C1QTNF1: variants seen among roughly 807,000 people sequenced by gnomAD.
The protein encoded by C1QTNF1 is C1q and TNF related 1, also known as complement C1q tumor necrosis factor-related protein 1.
Under a neutral mutation model 27.8 loss-of-function variants are expected in C1QTNF1, and 22 were observed. That is an observed-to-expected ratio of 0.79 (90% CI 0.56 to 1.13). The LOEUF is 1.13. C1QTNF1 is among the 50% of genes most tolerant of loss of function. C1QTNF1 has a pLI of 0.00. For synonymous variants in C1QTNF1, 166 were observed against 154.3 expected (o/e 1.08, Z -0.56); for missense variants, 373 against 380.2 (o/e 0.98, Z 0.16).
At chr17:79,044,661 G>A (rs918360339) in intron 2 of C1QTNF1, among the ~76,000 whole-genome samples, 4 of 152,138 alleles carry the variant, frequency 2.6e-5, no homozygotes, top group Admixed American at 2.0e-4. Context: ...GATGGCCTTC[G>A]TGTCTACGAC....
intron 1 of C1QTNF1, among the ~76,000 whole-genome samples, chr17:79,035,935 G>C (rs1315060939): frequency 6.6e-6 from 1 of 152,216 alleles, no homozygotes; most frequent in African/African-American, 2.4e-5. Context: ...CACAGGGCAG[G>C]AGGGAGAGTT....
At chr17:79,035,137 G>A (rs976218745) in intron 1 of C1QTNF1, among the ~76,000 whole-genome samples, 6 of 152,182 alleles carry the variant, frequency 3.9e-5, no homozygotes, top group African/African-American at 1.4e-4. Context: ...GGGAGGAAAG[G>A]GCTATGAGCA....
Position 79,047,704 on chromosome 17 carries a change from G to A in C1QTNF1, c.462G>A (p.Lys154=), listed in dbSNP as rs1278897728. The change falls in exon 4 of 4, where the codon AAG becomes AAA. Residue 154 remains lysine, a synonymous_variant. Coordinates refer to ENST00000579760, the MANE Select transcript of C1QTNF1 (RefSeq NM_030968.5). The part of the protein sequence containing the change: ...HYAAFSVGRK[K]PMHSNHYYQT... Reference sequence around the variant, plus strand: ...CCGCCTTTTCGGTGGGCCGGAAGAAGCCCATGCACAGCAACCACTACTACC... The same window carrying A: ...CCGCCTTTTCGGTGGGCCGGAAGAAACCCATGCACAGCAACCACTACTACC... 6.2e-7 allele frequency: 1 copy of A among 1,614,092 alleles called. No homozygotes were observed. Among genetic ancestry groups the A allele is most frequent in the African/African-American group, 1.3e-5 (1 of 75,016 alleles).
intron 1 of C1QTNF1, among the ~76,000 whole-genome samples, chr17:79,030,479 C>CTCTT: frequency 9.1e-6 from 1 of 110,094 alleles, no homozygotes; most frequent in South Asian, 3.1e-4. Flanking sequence ...TTCTTTCTTT[C>CTCTT]TTTCTTTTTC....
At chr17:79,045,420 T>C (rs1197603436) in intron 2 of C1QTNF1, among the ~76,000 whole-genome samples, 9 of 152,030 alleles carry the variant, frequency 5.9e-5, no homozygotes, top group Admixed American at 5.9e-4. Context: ...AATTGGACGG[T>C]GTTCTCGGAA....
chr17:79,023,704 G>GCACGCACA (rs2071834888), upstream of C1QTNF1, among the ~76,000 whole-genome samples: 1 of 144,936 alleles, frequency 6.9e-6, no homozygotes, highest in Non-Finnish European at 1.5e-5. Context: ...GCGCGCGCGC[G>GCACGCACA]CACACACACA....
At chr17:79,043,704 G>A (rs1346956761) in intron 1 of C1QTNF1, 6 of 608,746 alleles carry the variant, frequency 9.9e-6, no homozygotes, top group Non-Finnish European at 1.8e-5. Flanking sequence ...ATGTGTGGGG[G>A]TTGCATGTAT....
intron 1 of C1QTNF1, among the ~76,000 whole-genome samples, chr17:79,041,108 T>C (rs957296312): frequency 2.0e-5 from 3 of 152,194 alleles, no homozygotes; most frequent in Non-Finnish European, 4.4e-5. Flanking sequence ...TAAATTACCA[T>C]GTGCACATAC....
rs549117683 is a variant in C1QTNF1 at position 79,036,390 on chromosome 17, G to A, written c.-14-7565G>A. ...GGGTCTCGATATATTGCCCGGGCTG[G>A]TCTTGAACTCCTGGGCTCAGGCGAT... On this transcript the variant is annotated intron_variant, in intron 1 of 3. Transcript: ENST00000579760. Among the ~76,000 whole-genome samples the A allele has an allele frequency of 1.1e-4, 17 of 152,266 alleles. No homozygotes were observed. The Middle Eastern group carries it at 0.01, about 91-fold the overall frequency.
In C1QTNF1 at chr17:79,047,629, G is replaced by T; in HGVS notation, c.387G>T (p.Gly129=). ...CCAGGGGCCACACTGGACCCAAAGGGCAGAAGGGCTCCATGGGGGCCCCTG... is the reference window on the plus strand; with the variant it reads ...CCAGGGGCCACACTGGACCCAAAGGTCAGAAGGGCTCCATGGGGGCCCCTG... ...AGARGHTGPK[G]QKGSMGAPGE... The change falls in exon 4 of 4, where the codon GGG becomes GGT. Residue 129 remains glycine (G), a synonymous_variant. Coordinates refer to ENST00000579760, the MANE Select transcript of C1QTNF1 (RefSeq NM_030968.5). 1 of 1,601,578 alleles carries T rather than the reference G, an allele frequency of 6.2e-7. No homozygotes were observed. The highest frequency in any genetic ancestry group is 8.5e-7 in the Non-Finnish European group (1 of 1,172,438).
In C1QTNF1 at chr17:79,040,194, G is replaced by A. The variant is rs778693355; in HGVS notation, c.-14-3761G>A. ...ACAATAGGAAAAATAAAATTATGGC[G>A]CCCACCTATAATCCCAGTACTTTGG... On this transcript the variant is annotated intron_variant, in intron 1 of 3. Coordinates refer to ENST00000579760, the MANE Select transcript of C1QTNF1 (RefSeq NM_030968.5). Among the ~76,000 whole-genome samples the A allele has an allele frequency of 7.9e-5, 12 of 152,228 alleles. 1 individual carries two copies. The highest frequency in any genetic ancestry group is 1.9e-4 in the African/African-American group (8 of 41,564).
intron 1 of C1QTNF1, among the ~76,000 whole-genome samples, chr17:79,040,965 A>G (rs1846353891): frequency 6.6e-6 from 1 of 152,078 alleles, no homozygotes; most frequent in Non-Finnish European, 1.5e-5. Context: ...CATATCTGCT[A>G]CAGTCATGAA....
At position 79,047,734 on chromosome 17, in the gene C1QTNF1, G is replaced by T. The variant is rs772540943; in HGVS notation, c.492G>T (p.Thr164=). ...KPMHSNHYYQ[T]VIFDTEFVNL... ...TGCACAGCAACCACTACTACCAGAC[G>T]GTGATCTTCGACACGGAGTTCGTGA... is the stretch of plus-strand genomic sequence containing the variant. Residue 164 remains threonine, a synonymous_variant, in exon 4 of 4, where the codon ACG becomes ACT. Transcript: ENST00000579760. 4 of 1,614,128 alleles carry T rather than the reference G, an allele frequency of 2.5e-6. No individual in the cohort carries two copies. The South Asian group carries it at 4.4e-5, about 18-fold the overall frequency.
At chr17:79,045,660 C>T (rs962054892) in intron 2 of C1QTNF1, among the ~76,000 whole-genome samples, 2 of 152,128 alleles carry the variant, frequency 1.3e-5, no homozygotes, top group Non-Finnish European at 2.9e-5. Context: ...GCTGTTGATG[C>T]CAGGAACAGA....
chr17:79,044,267 G>A, intron 2 of C1QTNF1, 144 bp downstream of exon 2: 2 of 952,956 alleles, frequency 2.1e-6, no homozygotes, highest in Non-Finnish European at 3.0e-6. Context: ...CTGGAGGCTG[G>A]TCCTGCAGGA....
At chr17:79,025,842 GCC>G in intron 1 of C1QTNF1, 2 of 389,102 alleles carry the variant, frequency 5.1e-6, no homozygotes, top group South Asian at 3.8e-5. Context: ...AGCTGGAGAG[GCC>G]CCTAGAGTCC....
At position 79,024,422 on chromosome 17, in the gene C1QTNF1, C is replaced by T. The variant is rs1358064339; in HGVS notation, c.-87C>T. 5 of 152,032 alleles carry T rather than the reference C, an allele frequency of 3.3e-5. No individual in the cohort carries two copies. The highest frequency in any genetic ancestry group is 2.6e-4 in the Admixed American group (4 of 15,272). The allele number at this position is 152,032 out of a possible 1,614,324, so 9.4% of individuals were successfully genotyped here. A position where few individuals can be genotyped will look rare whatever the true frequency, so the allele number is the denominator to read the frequency against. Reference sequence around the variant, plus strand: ...ACCGAGTCTGTGCATCGCCCCGGACCTGGCCGGGAGGAGGCTTGGCCGGCG... The same window carrying T: ...ACCGAGTCTGTGCATCGCCCCGGACTTGGCCGGGAGGAGGCTTGGCCGGCG... On this transcript the variant is annotated 5_prime_UTR_variant, in exon 1 of 4. Coordinates refer to ENST00000579760, the MANE Select transcript of C1QTNF1 (RefSeq NM_030968.5).
chr17:79,044,463 G>T (rs932700557), intron 2 of C1QTNF1, among the ~76,000 whole-genome samples: 1 of 152,212 alleles, frequency 6.6e-6, no homozygotes, highest in African/African-American at 2.4e-5. Context: ...TGTCCGCTGA[G>T]AATATCTGCT....
chr17:79,036,807 C>A (rs2072273855), intron 1 of C1QTNF1, among the ~76,000 whole-genome samples: 1 of 152,202 alleles, frequency 6.6e-6, no homozygotes, highest in African/African-American at 2.4e-5. Flanking sequence ...GTAAACCCAG[C>A]CTGTGTTAGA....
Sources: allele counts gnomAD v4.1 joint callset (sites outside exome capture counted in the v4.1 genomes callset), GRCh38; gene constraint gnomAD v4.1.1; transcripts MANE v1.5; gene names NCBI Gene and HGNC (gene_info 2026-07-23, HGNC 2026-07-21).